The following ZNRF1 variants were observed in gnomAD, a reference collection of about 807,000 sequenced individuals.
The protein encoded by ZNRF1 is zinc and ring finger 1.
In ZNRF1, 3 loss-of-function variants were observed where a neutral mutation model predicts 18.4. The observed-to-expected ratio is 0.16, with a 90% CI of 0.07 to 0.42. The LOEUF is 0.42. ZNRF1 is among the 10% of genes least tolerant of loss of function. The pLI is 0.99. For synonymous variants in ZNRF1, 157 were observed against 144.2 expected (o/e 1.09, Z -0.64); for missense variants, 310 against 329.8 (o/e 0.94, Z 0.47).
intron 2 of ZNRF1, among the ~76,000 whole-genome samples, chr16:75,100,300 C>T (rs1194237779): frequency 1.3e-5 from 2 of 152,234 alleles, no homozygotes; most frequent in African/African-American, 4.8e-5. Flanking sequence ...GGAAAGGCTG[C>T]CTCTAACCTT....
chr16:75,076,837 G>T (rs553847669), intron 1 of ZNRF1, among the ~76,000 whole-genome samples: 1 of 151,884 alleles, frequency 6.6e-6, no homozygotes, highest in East Asian at 2.0e-4. Context: ...CCCAGAAGAA[G>T]AAGAGACACC....
intron 1 of ZNRF1, among the ~76,000 whole-genome samples, chr16:75,077,215 AC>A (rs1337175348): frequency 6.6e-6 from 1 of 152,048 alleles, no homozygotes; most frequent in East Asian, 1.9e-4. Flanking sequence ...ACATGGTGAA[AC>A]CCCATCTGTA....
chr16:75,102,912 C>T (rs1188833156), intron 2 of ZNRF1, among the ~76,000 whole-genome samples: 2 of 152,232 alleles, frequency 1.3e-5, no homozygotes, highest in African/African-American at 4.8e-5. Context: ...TTGTCGGCCC[C>T]AGACACCACA....
chr16:75,016,277 C>T (rs1437791859), intron 1 of ZNRF1, among the ~76,000 whole-genome samples: 3 of 151,300 alleles, frequency 2.0e-5, no homozygotes, highest in African/African-American at 2.4e-5. Context: ...CTCACTCTGT[C>T]GCCCAGGCTG....
chr16:75,039,498 G>T (rs1311545402), intron 1 of ZNRF1, among the ~76,000 whole-genome samples: 1 of 152,204 alleles, frequency 6.6e-6, no homozygotes, highest in Non-Finnish European at 1.5e-5. Flanking sequence ...GTATACGAGA[G>T]TGTTGTAGCT....
intron 1 of ZNRF1, among the ~76,000 whole-genome samples, chr16:75,029,136 A>ATTTTATTTTAT (rs1555510436): frequency 1.6e-5 from 2 of 123,048 alleles, no homozygotes; most frequent in African/African-American, 5.9e-5. Flanking sequence ...TTATTATTTT[A>ATTTTATTTTAT]TTTTATTTTT....
At chr16:75,050,684 C>G (rs1456752274) in intron 1 of ZNRF1, among the ~76,000 whole-genome samples, 1 of 151,196 alleles carries the variant, frequency 6.6e-6, no homozygotes, top group African/African-American at 2.4e-5. Context: ...CTGGCTAACA[C>G]GGTGAAACAC....
intron 1 of ZNRF1, among the ~76,000 whole-genome samples, chr16:75,040,257 T>A (rs542467936): frequency 3.3e-5 from 5 of 152,064 alleles, no homozygotes; most frequent in East Asian, 3.9e-4. Context: ...GTCCTTTTTT[T>A]ATTTTTATTG....
At chr16:75,016,915 GA>G (rs1443608723) in intron 1 of ZNRF1, among the ~76,000 whole-genome samples, 1 of 152,124 alleles carries the variant, frequency 6.6e-6, no homozygotes, top group Non-Finnish European at 1.5e-5. Flanking sequence ...TTGGCTAACT[GA>G]ATCTTTCTAA....
chr16:75,066,209 G>A (rs1246641058), intron 1 of ZNRF1, among the ~76,000 whole-genome samples: 1 of 152,124 alleles, frequency 6.6e-6, no homozygotes, highest in Non-Finnish European at 1.5e-5. Context: ...AAGCCCCCTG[G>A]TACCTCTGTT....
intron 1 of ZNRF1, among the ~76,000 whole-genome samples, chr16:75,002,671 T>C (rs1018615809): frequency 2.0e-5 from 3 of 152,168 alleles, no homozygotes; most frequent in African/African-American, 4.8e-5. Flanking sequence ...ATATCCCCTC[T>C]CTTGAGCCTT....
At chr16:75,000,523 G>A (rs2034833216) in intron 1 of ZNRF1, 1 of 331,668 alleles carries the variant, frequency 3.0e-6, no homozygotes, top group African/African-American at 2.2e-5. Context: ...GTGTGAAAAT[G>A]AAATAAAATC....
intron 1 of ZNRF1, among the ~76,000 whole-genome samples, chr16:75,011,982 T>A (rs1169264454): frequency 6.6e-6 from 1 of 152,220 alleles, no homozygotes; most frequent in Non-Finnish European, 1.5e-5. Context: ...AAAAAAAATC[T>A]TTTTAATGAA....
At chr16:75,062,883 A>G (rs1003864726) in intron 1 of ZNRF1, among the ~76,000 whole-genome samples, 1 of 152,172 alleles carries the variant, frequency 6.6e-6, no homozygotes, top group Admixed American at 6.5e-5. Flanking sequence ...ACAATATTAT[A>G]GAACATTTAC....
intron 4 of ZNRF1, chr16:75,107,020 T>C (rs1801892191): frequency 5.4e-6 from 1 of 184,236 alleles, no homozygotes; most frequent in Non-Finnish European, 1.2e-5. Flanking sequence ...TAAACAGCCA[T>C]GGGCAGTGCA....
At chr16:75,040,042 C>CTTTT (rs57122648) in intron 1 of ZNRF1, among the ~76,000 whole-genome samples, 3 of 78,856 alleles carry the variant, frequency 3.8e-5, no homozygotes, top group African/African-American at 1.7e-4. Flanking sequence ...TCTTTTCTTT[C>CTTTT]TTTTTTTTTT....
chr16:75,107,514 C>G (rs930031749), intron 4 of ZNRF1: 1 of 337,514 alleles, frequency 3.0e-6, no homozygotes. Flanking sequence ...ACCTCAAAAA[C>G]TGATGACAAG....
At chr16:75,095,798 A>C in intron 2 of ZNRF1, 2 of 1,455,232 alleles carry the variant, frequency 1.4e-6, no homozygotes, top group Non-Finnish European at 9.2e-7. Context: ...GGACGCCACC[A>C]TGTGTCCCCC....
At chr16:75,071,570 G>C (rs2035871185) in intron 1 of ZNRF1, among the ~76,000 whole-genome samples, 1 of 152,120 alleles carries the variant, frequency 6.6e-6, no homozygotes, top group South Asian at 2.1e-4. Context: ...TCTTTTGTGT[G>C]ACTTAGCCTT....
Sources: allele counts gnomAD v4.1 joint callset (sites outside exome capture counted in the v4.1 genomes callset), GRCh38; gene constraint gnomAD v4.1.1; transcripts MANE v1.5; gene names NCBI Gene and HGNC (gene_info 2026-07-23, HGNC 2026-07-21).